Variants in ZC3H7B observed in about 807,000 individuals in gnomAD.
ZC3H7B encodes zinc finger CCCH domain-containing protein 7B.
Under a neutral mutation model 116.0 loss-of-function variants are expected in ZC3H7B, and 35 were observed. The observed-to-expected ratio is 0.30, with a 90% confidence interval of 0.23 to 0.40. The LOEUF (loss-of-function observed/expected upper bound fraction) is 0.40. Among genes scored for constraint, ZC3H7B ranks in the 10% least tolerant of loss-of-function variants. ZC3H7B has a pLI of 1.00. For synonymous variants in ZC3H7B, 502 were observed against 545.6 expected (o/e 0.92, Z 1.11); for missense variants, 1,011 against 1,321.5 (o/e 0.77, Z 3.64).
intron 1 of ZC3H7B, among the ~76,000 whole-genome samples, chr22:41,303,160 T>C (rs144829755): frequency 6.6e-6 from 1 of 152,312 alleles, no homozygotes; most frequent in East Asian, 1.9e-4. Context: ...CCACAGAAGT[T>C]GGACTGCAAG....
At chr22:41,331,554 CAAAAA>C (rs76036983) in intron 6 of ZC3H7B, among the ~76,000 whole-genome samples, 2 of 51,306 alleles carry the variant, frequency 3.9e-5, no homozygotes, top group Non-Finnish European at 4.1e-5. Flanking sequence ...GACTCTGCCT[CAAAAA>C]AAAAAAAAAA....
In ZC3H7B at chr22:41,351,752, CA is replaced by C; in HGVS notation, c.2034+107del. On this transcript the variant is annotated intron_variant, in intron 17 of 22. Transcript: ENST00000352645. The surrounding 1 kb of genome is among the most constrained non-coding windows in gnomAD (Gnocchi z 5.1). The stretch of plus-strand genomic sequence containing the variant: ...AATAGAGAAATGTTTACAATGGAGG[CA>C]CCTCGAATAAGTTATGAAAGTAACT... 9.5e-7 allele frequency: 1 copy of C among 1,055,916 alleles called. No homozygotes were observed. The highest frequency in any genetic ancestry group is 1.4e-6 in the Non-Finnish European group (1 of 720,308). 65.4% of individuals were successfully genotyped at this position (1,055,916 alleles called of 1,614,324 possible).
intron 2 of ZC3H7B, among the ~76,000 whole-genome samples, chr22:41,324,734 T>G (rs2036296133): frequency 6.6e-6 from 1 of 151,884 alleles, no homozygotes; most frequent in African/African-American, 2.4e-5. Flanking sequence ...GTGGGGCGTG[T>G]GTTATGTGGG....
Position 41,308,458 on chromosome 22 carries a change from G to A in ZC3H7B, c.-7+6686G>A, listed in dbSNP as rs144799870. Among the ~76,000 whole-genome samples, 8 of 152,164 alleles carry A rather than the reference G, an allele frequency of 5.3e-5. No individual in the cohort carries two copies. The East Asian group carries it at 7.7e-4, about 15-fold the overall frequency. ...GCTTCTGTCTCCTTTTCTGTGAAAC[G>A]GCCGTACTGATCCTGTCGAATCTGC... On this transcript the variant is annotated intron_variant, in intron 1 of 22. Transcript: ENST00000352645.
At position 41,313,913 on chromosome 22, in the gene ZC3H7B, A is replaced by AT. The variant is rs78941029; in HGVS notation, c.-6-6729dup. ...AGGCACCCGCCATCATGCCTGGCTAATTTTTTTTTTTTTCGTATTTTTGTA... is the reference window on the plus strand; with the variant it reads ...AGGCACCCGCCATCATGCCTGGCTAATTTTTTTTTTTTTTCGTATTTTTGTA... On this transcript the variant is annotated intron_variant, in intron 1 of 22. Transcript: ENST00000352645. 6.5e-3 allele frequency among the ~76,000 whole-genome samples: 925 copies of AT among 141,414 alleles called. 5 individuals carry two copies. The highest frequency in any genetic ancestry group is 0.014 in the African/African-American group (541 of 38,764). 92.8% of individuals were successfully genotyped at this position (141,414 alleles called of 152,430 possible).
rs1393376744 is a variant in ZC3H7B at position 41,351,666 on chromosome 22, T to C, written c.2034+20T>C. 3.7e-6 allele frequency: 6 copies of C among 1,608,672 alleles called. No individual in the cohort carries two copies. The highest frequency in any genetic ancestry group is 2.7e-5 in the African/African-American group (2 of 74,786). ...AGCATGGTAAGGCCTTCTGATACTA[T>C]GCCATTATTCAGATTTTGTGAATTG... On this transcript the variant is annotated intron_variant, in intron 17 of 22. Transcript: ENST00000352645. This position sits in a 1 kb window ranked among gnomAD's most constrained non-coding sequence, Gnocchi z 5.1.
At chr22:41,323,270 G>A (rs2036280068) in intron 2 of ZC3H7B, among the ~76,000 whole-genome samples, 1 of 152,184 alleles carries the variant, frequency 6.6e-6, no homozygotes, top group African/African-American at 2.4e-5. Flanking sequence ...TCTCTTCATG[G>A]GCGGCAGGTC....
chr22:41,302,119 C>T lies in ZC3H7B; in HGVS notation c.-7+347C>T, dbSNP rs938255357. 2.6e-5 allele frequency among the ~76,000 whole-genome samples: 4 copies of T among 151,980 alleles called. No homozygotes were observed. Among genetic ancestry groups the T allele is most frequent in the African/African-American group, 7.2e-5 (3 of 41,394 alleles). On this transcript the variant is annotated intron_variant, in intron 1 of 22. Transcript: ENST00000352645. The surrounding 1 kb of genome is among the most constrained non-coding windows in gnomAD (Gnocchi z 5.7). ...GTCTTGAAATTTTCGTGGGGCCTCT[C>T]TCTTCGGCGTCCGGAGCTTCTGGGG...
chr22:41,347,823 C>T (rs1308724636), intron 14 of ZC3H7B, among the ~76,000 whole-genome samples: 2 of 152,168 alleles, frequency 1.3e-5, no homozygotes, highest in African/African-American at 4.8e-5. Context: ...CTGCCTCAGG[C>T]ATTGGGAGTG....
chr22:41,338,416 G>A lies in ZC3H7B; in HGVS notation c.625+61G>A, dbSNP rs188325716. 259 of 1,570,548 alleles carry A rather than the reference G, an allele frequency of 1.6e-4. No homozygotes were observed. The African/African-American group carries it at 3.1e-3, about 19-fold the overall frequency. ...GGGGCCCCGAGAGGTCAGGGGAGTC[G>A]AGCCCCCTCCCCATCCCAGCCCTGT... On this transcript the variant is annotated intron_variant, in intron 8 of 22. Transcript: ENST00000352645. This position sits in a 1 kb window ranked among gnomAD's most constrained non-coding sequence, Gnocchi z 4.5.
rs1187740498 is a variant in ZC3H7B at position 41,357,657 on chromosome 22, C to T, written c.*228C>T. On this transcript the variant is annotated 3_prime_UTR_variant, in exon 23 of 23. Transcript: ENST00000352645. The surrounding 1 kb of genome is among the most constrained non-coding windows in gnomAD (Gnocchi z 5.4). The stretch of plus-strand genomic sequence containing the variant: ...CCCCGCTGAAACCTGGGCTGCCCTT[C>T]CCCCACCCCCACGGCTCTCCTGGTT... 1.6e-5 allele frequency: 10 copies of T among 606,326 alleles called. No individual in the cohort carries two copies. The Admixed American group carries it at 2.7e-4, about 16-fold the overall frequency. 37.6% of individuals were successfully genotyped at this position (606,326 alleles called of 1,614,324 possible). A position where few individuals can be genotyped will look rare whatever the true frequency, so the allele number is the denominator to read the frequency against.
intron 10 of ZC3H7B, 50 bp from the exon 11 acceptor site, chr22:41,341,038 T>A: frequency 3.2e-6 from 5 of 1,587,190 alleles, no homozygotes; most frequent in Non-Finnish European, 4.3e-6. Flanking sequence ...GGAAGGCCCC[T>A]CACGCCTCAG....
chr22:41,356,298 T>C (rs917838845), intron 20 of ZC3H7B, 45 bp from the exon 21 acceptor site: 4 of 1,611,124 alleles, frequency 2.5e-6, no homozygotes, highest in Non-Finnish European at 3.4e-6. Context: ...GCAGAATGGA[T>C]GGAGAAGCCC....
chr22:41,340,193 G>A (rs2036503465), intron 10 of ZC3H7B, 56 bp downstream of exon 10: 2 of 1,514,276 alleles, frequency 1.3e-6, no homozygotes, highest in Non-Finnish European at 1.8e-6. Context: ...CAGTGCTGTG[G>A]CCTCTTTGGT....
In ZC3H7B at chr22:41,347,050, G is replaced by A. The variant is rs117549945; in HGVS notation, c.1665+842G>A. ...TCCCCATTTTACAGATGTTGAGGCTGAGATTCAGGGTAGCGAGGAACTGCC... is the reference window on the plus strand; with the variant it reads ...TCCCCATTTTACAGATGTTGAGGCTAAGATTCAGGGTAGCGAGGAACTGCC... On this transcript the variant is annotated intron_variant, in intron 14 of 22. Transcript: ENST00000352645. 4.4e-3 allele frequency among the ~76,000 whole-genome samples: 663 copies of A among 151,994 alleles called. 3 individuals are homozygous for A. The highest frequency in any genetic ancestry group is 6.9e-3 in the Non-Finnish European group (466 of 68,006).
At chr22:41,320,779 C>G (rs2036245780) in intron 2 of ZC3H7B, 66 bp downstream of exon 2, 1 of 1,592,352 alleles carries the variant, frequency 6.3e-7, no homozygotes, top group African/African-American at 1.3e-5. Context: ...GAGAGCCATG[C>G]CCTCCCAGCG....
chr22:41,355,884 T>A, intron 19 of ZC3H7B, 22 bp downstream of exon 19: 1 of 1,610,196 alleles, frequency 6.2e-7, no homozygotes, highest in Non-Finnish European at 8.5e-7. Flanking sequence ...GATGGGGGGC[T>A]GGGGGTCCCC....
At chr22:41,330,957 C>T (rs1444853335) in intron 6 of ZC3H7B, among the ~76,000 whole-genome samples, 4 of 147,740 alleles carry the variant, frequency 2.7e-5, no homozygotes, top group Non-Finnish European at 6.0e-5. Context: ...CAAGCTCCGC[C>T]TCCCGGGTTC....
intron 1 of ZC3H7B, among the ~76,000 whole-genome samples, chr22:41,318,043 T>G (rs1035495898): frequency 2.0e-5 from 3 of 152,140 alleles, no homozygotes; most frequent in African/African-American, 7.3e-5. Flanking sequence ...CACATTTTTT[T>G]GTAGAGCAAA....
Sources: gnomAD v4.1 joint callset for allele counts (sites outside exome capture counted in the v4.1 genomes callset) on GRCh38, gnomAD v4.1.1 for gene constraint, Gnocchi (gnomAD v3.1) non-coding constraint, MANE v1.5 for transcripts, NCBI Gene and HGNC (gene_info 2026-07-23, HGNC 2026-07-21) for gene names.